RNF4: variants seen among roughly 807,000 people sequenced by gnomAD.
RNF4 encodes E3 ubiquitin-protein ligase RNF4.
In RNF4, 7 loss-of-function variants were observed where a neutral mutation model predicts 24.3. The ratio of observed to expected loss-of-function variants is 0.29; its 90% CI spans 0.16 to 0.54. The LOEUF is 0.54. RNF4 is among the 20% of genes least tolerant of loss of function. The pLI, the probability that RNF4 is intolerant of heterozygous loss-of-function variation, is 0.95. For synonymous variants in RNF4, 83 were observed against 84.3 expected (o/e 0.98, Z 0.09); for missense variants, 209 against 248.5 (o/e 0.84, Z 1.07).
In RNF4 at chr4:2,497,104, T is replaced by C. The variant is rs971047389; in HGVS notation, c.107T>C (p.Ile36Thr). ...TPEISLEAEP[I>T]ELVETAGDEI... ...GAGATCTCCTTGGAAGCAGAACCCA[T>C]AGAACTCGTGGAAACTGGTAAGATT... is the stretch of plus-strand genomic sequence containing the variant. The change falls in exon 3 of 8, where the codon ATA becomes ACA. Residue 36 changes from isoleucine to threonine, a missense_variant. Transcript: ENST00000314289. The C allele has an allele frequency of 8.1e-6, 13 of 1,607,096 alleles. No homozygotes were observed. Among genetic ancestry groups the C allele is most frequent in the Non-Finnish European group, 1.1e-5 (13 of 1,177,060 alleles).
intron 4 of RNF4, among the ~76,000 whole-genome samples, chr4:2,509,242 A>T (rs1736196847): frequency 6.6e-6 from 1 of 151,310 alleles, no homozygotes; most frequent in Non-Finnish European, 1.5e-5. Context: ...TTTTTGAGAC[A>T]GTTTCGCTAT....
intron 1 of RNF4, among the ~76,000 whole-genome samples, chr4:2,478,130 T>C (rs550848171): frequency 6.6e-6 from 1 of 152,136 alleles, no homozygotes; most frequent in Non-Finnish European, 1.5e-5. Context: ...CCCTAGAGAT[T>C]TGTGGAACTT....
intron 3 of RNF4, 82 bp from the exon 4 acceptor site, chr4:2,500,577 T>C (rs1735880176): frequency 1.5e-6 from 2 of 1,372,614 alleles, no homozygotes; most frequent in East Asian, 2.5e-5. Flanking sequence ...CCTATAACAT[T>C]AGCAGTCATA....
At position 2,490,475 on chromosome 4, in the gene RNF4, A is replaced by G; in HGVS notation, c.-19A>G. 3 of 1,612,092 alleles carry G rather than the reference A, an allele frequency of 1.9e-6. No homozygotes were observed. ...ATCACTTCCTTTTCTGTAGGAAAGG[A>G]AAGGCACCAAAGAGCACAATGAGTA... On this transcript the variant is annotated 5_prime_UTR_variant, in exon 2 of 8. Coordinates refer to ENST00000314289, the MANE Select transcript of RNF4 (RefSeq NM_002938.5).
chr4:2,493,795 G>A (rs955728057), intron 2 of RNF4, among the ~76,000 whole-genome samples: 1 of 148,090 alleles, frequency 6.8e-6, no homozygotes, highest in Non-Finnish European at 1.5e-5. Context: ...GAGCCTATAC[G>A]AGGACAAAGG....
At chr4:2,470,437 C>T (rs1420258284) in intron 1 of RNF4, among the ~76,000 whole-genome samples, 1 of 152,162 alleles carries the variant, frequency 6.6e-6, no homozygotes, top group Non-Finnish European at 1.5e-5. Context: ...GAAATAGAGG[C>T]ATTCGAGTAG....
chr4:2,486,496 T>G (rs1024717183), intron 1 of RNF4, among the ~76,000 whole-genome samples: 5 of 152,174 alleles, frequency 3.3e-5, no homozygotes, highest in African/African-American at 9.7e-5. Flanking sequence ...GAACTCTGAC[T>G]CCTGACCCTT....
chr4:2,484,896 G>T (rs1578505284), intron 1 of RNF4, among the ~76,000 whole-genome samples: 1 of 152,082 alleles, frequency 6.6e-6, no homozygotes. Flanking sequence ...CCAGACACAG[G>T]TGACATGGTC....
At chr4:2,496,833 C>T (rs766394138) in intron 2 of RNF4, among the ~76,000 whole-genome samples, 174 bp from the exon 3 acceptor site, 2 of 152,194 alleles carry the variant, frequency 1.3e-5, no homozygotes, top group Non-Finnish European at 2.9e-5. Context: ...TGGATGGTTT[C>T]TCTCTCCGTA....
chr4:2,478,996 G>T (rs1409821373), intron 1 of RNF4, among the ~76,000 whole-genome samples: 3 of 152,348 alleles, frequency 2.0e-5, no homozygotes, highest in South Asian at 4.1e-4. Flanking sequence ...AGCCACAGGG[G>T]TGGAGCTGCC....
intron 4 of RNF4, among the ~76,000 whole-genome samples, chr4:2,502,955 A>G (rs1735962205): frequency 2.6e-5 from 4 of 152,128 alleles, no homozygotes; most frequent in Non-Finnish European, 5.9e-5. Context: ...AGCTTAAGTG[A>G]TTCTCCCACA....
At chr4:2,487,149 C>T (rs916556649) in intron 1 of RNF4, among the ~76,000 whole-genome samples, 5 of 152,284 alleles carry the variant, frequency 3.3e-5, no homozygotes, top group African/African-American at 7.2e-5. Flanking sequence ...ATTTGTGCTC[C>T]GGGCTGGAGT....
At chr4:2,511,988 T>C (rs1237124146) in intron 5 of RNF4, 23 bp downstream of exon 5, 1 of 1,604,110 alleles carries the variant, frequency 6.2e-7, no homozygotes. Flanking sequence ...GTTTCCTTTT[T>C]CACTGGGTTT....
At chr4:2,502,800 C>T (rs1051582481) in intron 4 of RNF4, among the ~76,000 whole-genome samples, 7 of 150,630 alleles carry the variant, frequency 4.6e-5, no homozygotes, top group African/African-American at 9.8e-5. Context: ...GCCAAGATCG[C>T]GCCACTGCAC....
At chr4:2,505,389 G>C (rs139611007) in intron 4 of RNF4, 2 of 150,264 alleles carry the variant, frequency 1.3e-5, no homozygotes, top group Admixed American at 6.7e-5. Context: ...ACAGTGGTGC[G>C]ATCTTGGCTC....
At chr4:2,493,680 G>A (rs1268885994) in intron 2 of RNF4, among the ~76,000 whole-genome samples, 1 of 139,020 alleles carries the variant, frequency 7.2e-6, no homozygotes, top group Non-Finnish European at 1.5e-5. Flanking sequence ...GGAGGCAGAA[G>A]TTGTGGTGAG....
Position 2,469,145 on chromosome 4 carries a change from C to T in RNF4, c.-271C>T, listed in dbSNP as rs1011385885. On this transcript the variant is annotated 5_prime_UTR_variant, in exon 1 of 8. Transcript: ENST00000314289. The stretch of plus-strand genomic sequence containing the variant: ...GCTGTTGAGGCGGCGGCATCTTTCT[C>T]GAGGAGCTCTCCTGGGCGGCTGAAG... 1.3e-5 allele frequency: 2 copies of T among 152,236 alleles called. No individual in the cohort carries two copies. Among genetic ancestry groups the T allele is most frequent in the African/African-American group, 2.4e-5 (1 of 41,454 alleles). 9.4% of individuals were successfully genotyped at this position (152,236 alleles called of 1,614,324 possible).
chr4:2,482,938 G>A (rs934414765), intron 1 of RNF4, among the ~76,000 whole-genome samples: 29 of 152,302 alleles, frequency 1.9e-4, no homozygotes, highest in African/African-American at 6.7e-4. Flanking sequence ...ATCCTGCCAA[G>A]TCTGTTCTGG....
chr4:2,495,629 C>CT (rs1439215030), intron 2 of RNF4, among the ~76,000 whole-genome samples: 11 of 105,686 alleles, frequency 1.0e-4, no homozygotes, highest in East Asian at 2.5e-4. Context: ...TTGGGAAGCT[C>CT]TTTTTTTTTT....
Sources: gnomAD v4.1 joint callset for allele counts (sites outside exome capture counted in the v4.1 genomes callset) on GRCh38, gnomAD v4.1.1 for gene constraint, MANE v1.5 for transcripts, NCBI Gene and HGNC (gene_info 2026-07-23, HGNC 2026-07-21) for gene names.